The following LGR5 variants were observed in gnomAD, a reference collection of about 807,000 sequenced individuals.
The protein encoded by LGR5 is leucine rich repeat containing G protein-coupled receptor 5.
LGR5 carries 54 observed loss-of-function variants against 76.7 expected under a neutral mutation model. The observed-to-expected ratio is 0.70, with a 90% CI of 0.57 to 0.88. The LOEUF (loss-of-function observed/expected upper bound fraction) is 0.88. Among genes scored for constraint, LGR5 ranks in the 40% least tolerant of loss-of-function variants. The probability of loss-of-function intolerance (pLI) is 0.00; values close to 1 mark genes in which losing one functional copy is unlikely to be tolerated. For synonymous variants in LGR5, 406 were observed against 421.9 expected, an observed-to-expected ratio of 0.96 and a Z score of 0.46; for missense variants, 1,078 against 1,073.3, an observed-to-expected ratio of 1.00 and a Z score of -0.06.
chr12:71,483,509 G>A (rs905409542), intron 1 of LGR5, among the ~76,000 whole-genome samples: 1 of 152,142 alleles, frequency 6.6e-6, no homozygotes, highest in Non-Finnish European at 1.5e-5. Context: ...GAGTGAAAAT[G>A]ATCACACAAA....
In LGR5 at chr12:71,578,928, A is replaced by G. The variant is rs769221771; in HGVS notation, c.1405A>G (p.Lys469Glu). ...LISSENFPEL[K>E]VIEMPYAYQC... ...ATCATCTGAAAACTTTCCAGAACTCAAGTGAGTTTGTCATTAAAACTAATA... is the reference window on the plus strand; with the variant it reads ...ATCATCTGAAAACTTTCCAGAACTCGAGTGAGTTTGTCATTAAAACTAATA... The change falls in exon 15 of 18, where the codon AAG becomes GAG. Residue 469 changes from lysine (K) to glutamate (E), a missense_variant and splice_region_variant. By Grantham distance (56) the Lys-to-Glu change is moderately conservative. Transcript: ENST00000266674. The G allele has an allele frequency of 6.3e-7, 1 of 1,597,780 alleles. No individual in the cohort carries two copies. The highest frequency in any genetic ancestry group is 1.1e-5 in the South Asian group (1 of 87,572).
chr12:71,546,808 T>C (rs1877194046), intron 4 of LGR5, among the ~76,000 whole-genome samples: 1 of 152,214 alleles, frequency 6.6e-6, no homozygotes, highest in Non-Finnish European at 1.5e-5. Context: ...CCTTGAAGAC[T>C]GCTGGGAGAG....
intron 1 of LGR5, among the ~76,000 whole-genome samples, chr12:71,490,180 CTA>C (rs1467610863): frequency 6.7e-6 from 1 of 150,228 alleles, no homozygotes; most frequent in Non-Finnish European, 1.5e-5. Context: ...TTGGTTTTGG[CTA>C]TATGACAAGG....
chr12:71,522,226 C>T (rs998675508), intron 2 of LGR5, among the ~76,000 whole-genome samples: 4 of 151,924 alleles, frequency 2.6e-5, no homozygotes, highest in Admixed American at 1.3e-4. Flanking sequence ...AGAGAGTTTT[C>T]GAATAGGGCA....
chr12:71,440,374 G>C lies in LGR5; in HGVS notation c.212+82G>C, dbSNP rs1462035633. ...TCCAAGGCGAGGCTGGAGGCTCCTC[G>C]GCGCCCGCCTGCTCGTGGGGGAGGG... On this transcript the variant is annotated intron_variant, in intron 1 of 17. Coordinates refer to ENST00000266674, the MANE Select transcript of LGR5 (RefSeq NM_003667.4). This position sits in a 1 kb window ranked among gnomAD's most constrained non-coding sequence, Gnocchi z 5.3. The C allele has an allele frequency of 1.8e-5, 24 of 1,363,504 alleles. No homozygotes were observed. The highest frequency in any genetic ancestry group is 2.4e-4 in the Middle Eastern group (1 of 4,246). The allele number at this position is 1,363,504 out of a possible 1,614,324, so 84.5% of individuals were successfully genotyped here. A position where few individuals can be genotyped will look rare whatever the true frequency, so the allele number is the denominator to read the frequency against.
intron 17 of LGR5, 58 bp from the exon 18 acceptor site, chr12:71,583,589 C>T: frequency 6.5e-7 from 1 of 1,536,050 alleles, no homozygotes; most frequent in South Asian, 1.3e-5. Context: ...AAGGGTAATT[C>T]AGCAAAAGTT....
chr12:71,466,813 A>G (rs553559512), intron 1 of LGR5, among the ~76,000 whole-genome samples: 94 of 152,296 alleles, frequency 6.2e-4, no homozygotes, highest in Middle Eastern at 6.8e-3. Flanking sequence ...AGATAGGAAC[A>G]TAACGATGGC....
chr12:71,510,996 G>A (rs1018499195), intron 2 of LGR5, among the ~76,000 whole-genome samples: 2 of 152,182 alleles, frequency 1.3e-5, no homozygotes, highest in Non-Finnish European at 2.9e-5. Flanking sequence ...AGATCGTGCA[G>A]GGCCAGTTAA....
rs777293969 is a variant in LGR5, at chr12:71,577,937, G to A, written c.1221G>A (p.Trp407Ter). 2.5e-6 allele frequency: 4 copies of A among 1,612,580 alleles called. No homozygotes were observed. Among genetic ancestry groups the A allele is most frequent in the Non-Finnish European group, 3.4e-6 (4 of 1,178,866 alleles). The change falls in exon 14 of 18, where the codon TGG (tryptophan) becomes TGA (stop). Residue 407 changes from tryptophan (W) to a stop codon, truncating the protein, a stop_gained. Transcript: ENST00000266674. LOFTEE classifies it high-confidence loss of function. ...TTTTTTACAATAGGAATTTGGCTTG[G>A]AACAAAATTGCTATTATTCACCCCA... The part of the protein sequence containing the change: ...LLSLRSLNLA[W>*]NKIAIIHPNA...
At chr12:71,444,016 T>A (rs1052463102) in intron 1 of LGR5, among the ~76,000 whole-genome samples, 3 of 152,036 alleles carry the variant, frequency 2.0e-5, no homozygotes, top group Non-Finnish European at 4.4e-5. Context: ...TTAATAAGAA[T>A]GGAACAAAAG....
At chr12:71,527,101 G>A (rs1489384864) in intron 3 of LGR5, among the ~76,000 whole-genome samples, 1 of 152,046 alleles carries the variant, frequency 6.6e-6, no homozygotes, top group Non-Finnish European at 1.5e-5. Context: ...CATAAGTGAG[G>A]GAAGGCCATG....
chr12:71,472,887 T>C (rs546183647), intron 1 of LGR5, among the ~76,000 whole-genome samples: 1 of 152,308 alleles, frequency 6.6e-6, no homozygotes, highest in African/African-American at 2.4e-5. Flanking sequence ...GTTGATTGTA[T>C]AAAGCACATT....
rs190877338 is a variant in LGR5, at chr12:71,542,361, A to T, written c.428+7175A>T. The stretch of plus-strand genomic sequence containing the variant: ...GCTGAAGCAGAAGTGAGGTGGAGAG[A>T]CGTGCAAGAAGAGCACATCTAGTGA... On this transcript the variant is annotated intron_variant, in intron 4 of 17. Coordinates refer to ENST00000266674, the MANE Select transcript of LGR5 (RefSeq NM_003667.4). Among the ~76,000 whole-genome samples, 98 of 152,336 alleles carry T rather than the reference A, an allele frequency of 6.4e-4. 1 individual carries two copies. The highest frequency in any genetic ancestry group is 3.5e-3 in the East Asian group (18 of 5,190).
At chr12:71,510,673 C>T (rs35925209) in intron 2 of LGR5, among the ~76,000 whole-genome samples, 14,069 of 152,130 alleles carry the variant, frequency 0.092, 697 homozygotes, top group Non-Finnish European at 0.11. Context: ...AAGGACACAA[C>T]TGCATATGAT....
chr12:71,449,203 C>G (rs1257607614), intron 1 of LGR5, among the ~76,000 whole-genome samples: 1 of 152,146 alleles, frequency 6.6e-6, no homozygotes, highest in Non-Finnish European at 1.5e-5. Context: ...GGGCGTCAAA[C>G]TAGAAGATGA....
intron 13 of LGR5, among the ~76,000 whole-genome samples, chr12:71,576,496 C>G (rs74101182): frequency 0.081 from 12,314 of 152,116 alleles, 568 homozygotes; most frequent in African/African-American, 0.097. Flanking sequence ...GCCCTGACCT[C>G]CCTTTCCTTC....
chr12:71,474,810 A>C (rs1258086441), intron 1 of LGR5, among the ~76,000 whole-genome samples: 1 of 152,226 alleles, frequency 6.6e-6, no homozygotes, highest in Non-Finnish European at 1.5e-5. Flanking sequence ...GTCTGATAAA[A>C]AGTGAATTAT....
intron 4 of LGR5, among the ~76,000 whole-genome samples, chr12:71,550,756 G>T (rs1308483270): frequency 1.3e-5 from 2 of 151,952 alleles, no homozygotes; most frequent in South Asian, 2.1e-4. Context: ...GAGCCAACGG[G>T]CCCAGCCACC....
chr12:71,559,730 T>C (rs976782027), intron 7 of LGR5, 76 bp downstream of exon 7: 1 of 806,072 alleles, frequency 1.2e-6, no homozygotes, highest in Non-Finnish European at 2.1e-6. Context: ...GTGATTGTTT[T>C]ACATAATATG....
Sources: gnomAD v4.1 joint callset for allele counts (sites outside exome capture counted in the v4.1 genomes callset) on GRCh38, gnomAD v4.1.1 for gene constraint, Gnocchi (gnomAD v3.1) non-coding constraint, MANE v1.5 for transcripts, NCBI Gene and HGNC (gene_info 2026-07-23, HGNC 2026-07-21) for gene names.